CNTNAP2: variants seen among roughly 807,000 people sequenced by gnomAD.
CNTNAP2 encodes the protein contactin-associated protein-like 2.
In CNTNAP2, 98 loss-of-function variants were observed where a neutral mutation model predicts 155.2. The observed-to-expected ratio is 0.63, with a 90% CI of 0.54 to 0.75. CNTNAP2 has a LOEUF of 0.75. CNTNAP2 is among the 30% of genes least tolerant of loss of function. The probability of loss-of-function intolerance (pLI) is 0.00; values close to 1 mark genes in which losing one functional copy is unlikely to be tolerated. For synonymous variants in CNTNAP2, 651 were observed against 631.2 expected (o/e 1.03, Z -0.47); for missense variants, 1,727 against 1,688.1 (o/e 1.02, Z -0.40).
chr7:146,535,910 G>A (rs802002), intron 1 of CNTNAP2, among the ~76,000 whole-genome samples: 5,040 of 151,450 alleles, frequency 0.033, 285 homozygotes, highest in African/African-American at 0.12. Flanking sequence ...TTTCCTTGAT[G>A]GTGGCATTTA....
At chr7:146,451,618 A>C (rs1018104152) in intron 1 of CNTNAP2, among the ~76,000 whole-genome samples, 7 of 152,080 alleles carry the variant, frequency 4.6e-5, no homozygotes, top group Admixed American at 1.3e-4. Flanking sequence ...TTTATTTTGC[A>C]CTGCGTTGCA....
intron 11 of CNTNAP2, among the ~76,000 whole-genome samples, chr7:147,521,623 T>A (rs1480613572): frequency 1.3e-5 from 2 of 152,124 alleles, no homozygotes; most frequent in Non-Finnish European, 2.9e-5. Context: ...CAGGTATTGT[T>A]TCTTCTTCTA....
chr7:146,426,143 G>A (rs549505942), intron 1 of CNTNAP2, among the ~76,000 whole-genome samples: 5 of 130,636 alleles, frequency 3.8e-5, no homozygotes, highest in South Asian at 2.3e-4. Context: ...CCAAGATCGC[G>A]CCACTGCACT....
chr7:147,321,525 C>A (rs576816556), intron 9 of CNTNAP2, among the ~76,000 whole-genome samples: 2 of 152,298 alleles, frequency 1.3e-5, no homozygotes, highest in East Asian at 1.9e-4. Flanking sequence ...AAAGCACCTT[C>A]TACTTCACAG....
intron 13 of CNTNAP2, among the ~76,000 whole-genome samples, chr7:147,779,941 A>G (rs1362058867): frequency 6.6e-6 from 1 of 152,224 alleles, no homozygotes; most frequent in Non-Finnish European, 1.5e-5. Flanking sequence ...AGCTCACAGT[A>G]ATGCAGAGTA....
At chr7:147,072,065 A>G (rs922695529) in intron 4 of CNTNAP2, among the ~76,000 whole-genome samples, 2 of 152,164 alleles carry the variant, frequency 1.3e-5, no homozygotes, top group Non-Finnish European at 2.9e-5. Flanking sequence ...ATAGAAGCCA[A>G]CGGAAATGTG....
At chr7:146,520,960 A>C (rs1007465849) in intron 1 of CNTNAP2, among the ~76,000 whole-genome samples, 1 of 151,872 alleles carries the variant, frequency 6.6e-6, no homozygotes, top group African/African-American at 2.4e-5. Flanking sequence ...TATATTCCCC[A>C]AAATGTATAT....
chr7:148,107,009 T>A (rs1804238717), intron 15 of CNTNAP2, among the ~76,000 whole-genome samples: 1 of 151,978 alleles, frequency 6.6e-6, no homozygotes, highest in Non-Finnish European at 1.5e-5. Context: ...GCCCCCCAAA[T>A]GAAAAGTGGG....
intron 1 of CNTNAP2, among the ~76,000 whole-genome samples, chr7:146,698,347 C>T (rs544500504): frequency 1.1e-4 from 16 of 151,822 alleles, no homozygotes; most frequent in Non-Finnish European, 1.9e-4. Context: ...GGCTTGCTAC[C>T]GAAAATATTA....
intron 18 of CNTNAP2, among the ~76,000 whole-genome samples, chr7:148,191,988 G>A (rs997484226): frequency 6.6e-6 from 1 of 152,158 alleles, no homozygotes; most frequent in African/African-American, 2.4e-5. Flanking sequence ...ATATGATCAA[G>A]AACAATGCAA....
At chr7:147,713,617 TG>T (rs1796435735) in intron 13 of CNTNAP2, among the ~76,000 whole-genome samples, 1 of 152,222 alleles carries the variant, frequency 6.6e-6, no homozygotes, top group Non-Finnish European at 1.5e-5. Flanking sequence ...CACAGATTTT[TG>T]TTTGAACATA....
intron 13 of CNTNAP2, among the ~76,000 whole-genome samples, chr7:147,739,081 G>T (rs1237706487): frequency 6.7e-6 from 1 of 149,542 alleles, no homozygotes; most frequent in Non-Finnish European, 1.5e-5. Flanking sequence ...ACCTGTCAGA[G>T]TTCTACTTTG....
chr7:146,986,303 T>C (rs1310963808), intron 3 of CNTNAP2, among the ~76,000 whole-genome samples: 1 of 152,176 alleles, frequency 6.6e-6, no homozygotes, highest in Admixed American at 6.5e-5. Context: ...GTCTCCAATA[T>C]CGTCCAGGTT....
At chr7:148,149,145 A>G (rs746423820) in intron 17 of CNTNAP2, among the ~76,000 whole-genome samples, 3 of 152,146 alleles carry the variant, frequency 2.0e-5, no homozygotes, top group Non-Finnish European at 1.5e-5. Flanking sequence ...ACTTGACTCA[A>G]CTTCTCGTTT....
At chr7:148,140,137 GC>G (rs1181095609) in intron 16 of CNTNAP2, among the ~76,000 whole-genome samples, 1 of 152,188 alleles carries the variant, frequency 6.6e-6, no homozygotes, top group African/African-American at 2.4e-5. Context: ...AGTACCAGAT[GC>G]TGAGTTTACA....
At chr7:146,187,592 A>G (rs1798642428) in intron 1 of CNTNAP2, among the ~76,000 whole-genome samples, 1 of 151,938 alleles carries the variant, frequency 6.6e-6, no homozygotes, top group African/African-American at 2.4e-5. Flanking sequence ...CTTAAGTAAG[A>G]TATATTGTTT....
chr7:146,499,849 CTG>C (rs1472827476), intron 1 of CNTNAP2, among the ~76,000 whole-genome samples: 1 of 152,204 alleles, frequency 6.6e-6, no homozygotes. Context: ...TCCATAAACA[CTG>C]AATATTCTTT....
intron 13 of CNTNAP2, among the ~76,000 whole-genome samples, chr7:147,778,190 C>T (rs915986588): frequency 6.6e-6 from 1 of 152,188 alleles, no homozygotes; most frequent in Admixed American, 6.5e-5. Context: ...CTTTTGATTA[C>T]AGTGCCACTG....
intron 16 of CNTNAP2, among the ~76,000 whole-genome samples, chr7:148,137,933 C>T (rs548539572): frequency 3.3e-5 from 5 of 152,316 alleles, no homozygotes; most frequent in African/African-American, 9.6e-5. Flanking sequence ...TATATGTCCT[C>T]ATTTGGCACT....
Sources: allele counts gnomAD v4.1 joint callset (sites outside exome capture counted in the v4.1 genomes callset), GRCh38; gene constraint gnomAD v4.1.1; transcripts MANE v1.5; gene names NCBI Gene and HGNC (gene_info 2026-07-23, HGNC 2026-07-21).